PPP1R12A: variants seen among roughly 807,000 people sequenced by gnomAD.
PPP1R12A encodes myosin binding subunit.
A neutral mutation model predicts 139.6 loss-of-function variants in PPP1R12A; 19 were observed. The observed-to-expected ratio is 0.14, with a 90% CI of 0.09 to 0.20. The LOEUF is 0.20. Among genes scored for constraint, PPP1R12A ranks in the 10% least tolerant of loss-of-function variants. The pLI is 1.00. For missense variants in PPP1R12A, 925 were observed against 1,211.5 expected, an observed-to-expected ratio of 0.76 and a Z score of 3.51; for synonymous variants, 427 against 420.6, an observed-to-expected ratio of 1.02 and a Z score of -0.19.
chr12:79,903,848 T>A (rs1365601576), intron 1 of PPP1R12A, among the ~76,000 whole-genome samples: 1 of 152,188 alleles, frequency 6.6e-6, no homozygotes, highest in East Asian at 1.9e-4. Context: ...TATACAACTA[T>A]TACTGTCTAG....
chr12:79,826,374 TCTGTTGCCCACTG>T (rs1393773952), intron 5 of PPP1R12A, among the ~76,000 whole-genome samples: 3 of 147,450 alleles, frequency 2.0e-5, no homozygotes, highest in Non-Finnish European at 4.5e-5. Context: ...AGGGTCTCCT[TCTGTTGCCCACTG>T]CTGTGCAGTG....
intron 2 of PPP1R12A, among the ~76,000 whole-genome samples, chr12:79,849,659 CTG>C (rs908448856): frequency 1.1e-4 from 16 of 152,122 alleles, no homozygotes; most frequent in African/African-American, 3.6e-4. Flanking sequence ...GTGTTCCAAA[CTG>C]AAAGTTAGAT....
At chr12:79,853,147 G>A (rs1880251506) in intron 2 of PPP1R12A, among the ~76,000 whole-genome samples, 1 of 152,170 alleles carries the variant, frequency 6.6e-6, no homozygotes, top group Non-Finnish European at 1.5e-5. Flanking sequence ...AGCTATGAGT[G>A]TGACCAATGT....
At chr12:79,916,891 A>G (rs1365752323) in intron 1 of PPP1R12A, among the ~76,000 whole-genome samples, 4 of 152,062 alleles carry the variant, frequency 2.6e-5, no homozygotes, top group African/African-American at 9.7e-5. Flanking sequence ...TTTTTCTCCA[A>G]TTGAGATTTT....
At chr12:79,789,096 C>T (rs1212986614) in intron 20 of PPP1R12A, among the ~76,000 whole-genome samples, 1 of 152,022 alleles carries the variant, frequency 6.6e-6, no homozygotes, top group Non-Finnish European at 1.5e-5. Flanking sequence ...GCCACCATGC[C>T]TAATTCTGTA....
At chr12:79,873,085 T>C in intron 1 of PPP1R12A, 147 bp from the exon 2 acceptor site, 1 of 922,422 alleles carries the variant, frequency 1.1e-6, no homozygotes, top group Non-Finnish European at 1.6e-6. Context: ...CTATACTCCA[T>C]CAAACATGCT....
intron 1 of PPP1R12A, among the ~76,000 whole-genome samples, chr12:79,919,432 G>A (rs1887261542): frequency 6.6e-6 from 1 of 151,702 alleles, no homozygotes; most frequent in African/African-American, 2.4e-5. Flanking sequence ...GTGCATGCCT[G>A]TAATCTCAGC....
chr12:79,788,757 C>A lies in PPP1R12A; in HGVS notation c.2693G>T (p.Gly898Val), dbSNP rs960411735. The change falls in exon 21 of 25, where the codon GGT becomes GTT. Residue 898 changes from glycine (G) to valine (V), a missense_variant. Physicochemically the swap from Gly to Val is moderately radical, Grantham distance 109. This residue lies in a region of PPP1R12A where 315 missense variants were observed against 363.4 expected (regional missense o/e 0.87). Transcript: ENST00000450142. ...ACCCAGCAAGGAATCATATCGATCACCAGCTGATGTAGAACTGGTTTCATA... is the reference window on the plus strand; with the variant it reads ...ACCCAGCAAGGAATCATATCGATCAACAGCTGATGTAGAACTGGTTTCATA... ...SRYETSSTSA[G>V]DRYDSLLGRS... 1 of 1,611,076 alleles carries A rather than the reference C, an allele frequency of 6.2e-7. No individual in the cohort carries two copies. The highest frequency in any genetic ancestry group is 1.7e-5 in the Admixed American group (1 of 59,672).
At chr12:79,811,357 C>T (rs920732191) in intron 9 of PPP1R12A, among the ~76,000 whole-genome samples, 1 of 152,132 alleles carries the variant, frequency 6.6e-6, no homozygotes, top group Non-Finnish European at 1.5e-5. Flanking sequence ...CAAAGTGCTC[C>T]AGAGTGTCAC....
intron 8 of PPP1R12A, among the ~76,000 whole-genome samples, chr12:79,818,577 A>G (rs1875695394): frequency 1.3e-5 from 2 of 152,146 alleles, no homozygotes; most frequent in South Asian, 4.1e-4. Context: ...TGTTATTAAT[A>G]TTGCTGTAGT....
At chr12:79,824,318 ACTT>A (rs1370253558) in intron 5 of PPP1R12A, among the ~76,000 whole-genome samples, 1 of 152,178 alleles carries the variant, frequency 6.6e-6, no homozygotes, top group Non-Finnish European at 1.5e-5. Flanking sequence ...TAATTCAGTG[ACTT>A]CTTTTTAAAT....
intron 1 of PPP1R12A, among the ~76,000 whole-genome samples, chr12:79,929,568 T>G (rs1888096451): frequency 6.6e-6 from 1 of 151,888 alleles, no homozygotes; most frequent in African/African-American, 2.4e-5. Context: ...GAGTTCGAAA[T>G]GAGCCTGGCC....
chr12:79,851,594 C>T (rs931714449), intron 2 of PPP1R12A, among the ~76,000 whole-genome samples: 39 of 152,234 alleles, frequency 2.6e-4, no homozygotes, highest in African/African-American at 8.7e-4. Context: ...TCTGCATATG[C>T]CATGTCTTGG....
chr12:79,931,695 T>C (rs1438176922), intron 1 of PPP1R12A, among the ~76,000 whole-genome samples: 6 of 152,168 alleles, frequency 3.9e-5, no homozygotes, highest in Admixed American at 1.3e-4. Flanking sequence ...CCATTGGTAA[T>C]AATGAAATTC....
chr12:79,806,432 T>A, intron 12 of PPP1R12A, 99 bp from the exon 13 acceptor site: 2 of 1,148,306 alleles, frequency 1.7e-6, no homozygotes, highest in Admixed American at 2.5e-5. Flanking sequence ...AAAAAAAATT[T>A]AAAAACTGTG....
chr12:79,805,166 C>T (rs149218802), intron 14 of PPP1R12A, among the ~76,000 whole-genome samples: 112 of 152,292 alleles, frequency 7.4e-4, no homozygotes, highest in South Asian at 1.7e-3. Context: ...TCCAAATCAA[C>T]AGGAACAAAA....
At chr12:79,821,751 CAA>C (rs1290815438) in intron 6 of PPP1R12A, among the ~76,000 whole-genome samples, 8 of 107,294 alleles carry the variant, frequency 7.5e-5, no homozygotes, top group Non-Finnish European at 1.4e-4. Flanking sequence ...ACCCCATCTC[CAA>C]AAAAAAAAAA....
rs190500783 is a variant in PPP1R12A, at chr12:79,906,018, T to C, written c.237+28677A>G. ...CCCAGAAGAGTCAGTGTGGAGATGC[T>C]CAGCTAAGGAAATCATCCTACTTTA... On this transcript the variant is annotated intron_variant, in intron 1 of 24. Coordinates refer to ENST00000450142, the MANE Select transcript of PPP1R12A (RefSeq NM_002480.3). 1.6e-3 allele frequency among the ~76,000 whole-genome samples: 244 copies of C among 152,268 alleles called. 3 individuals carry two copies. The highest frequency in any genetic ancestry group is 9.3e-3 in the South Asian group (45 of 4,820).
At chr12:79,780,654 A>G (rs1215906259) in intron 23 of PPP1R12A, 2 of 152,168 alleles carry the variant, frequency 1.3e-5, no homozygotes, top group Non-Finnish European at 2.9e-5. Flanking sequence ...CTTTCATCTC[A>G]ACCGTTAGTA....
Sources: allele counts gnomAD v4.1 joint callset (sites outside exome capture counted in the v4.1 genomes callset), GRCh38; gene constraint gnomAD v4.1.1; regional missense constraint gnomAD v4.1.1; transcripts MANE v1.5; gene names NCBI Gene and HGNC (gene_info 2026-07-23, HGNC 2026-07-21).